Variants in NRG1 observed in about 807,000 individuals in gnomAD.
The protein encoded by NRG1 is pro-neuregulin-1, membrane-bound isoform.
Under a neutral mutation model 63.8 loss-of-function variants are expected in NRG1, and 18 were observed. The ratio of observed to expected loss-of-function variants is 0.28; its 90% confidence interval spans 0.19 to 0.42. NRG1 has a LOEUF of 0.42. Ranked by LOEUF, NRG1 falls within the 10% of genes least tolerant of loss-of-function variation. The probability of loss-of-function intolerance (pLI) is 1.00; values close to 1 mark genes in which losing one functional copy is unlikely to be tolerated. For missense variants in NRG1, 762 were observed against 814.7 expected (o/e 0.94, Z 0.79); for synonymous variants, 302 against 301.3 (o/e 1.00, Z -0.02).
chr8:32,228,680 A>C (rs1393427635), intron 1 of NRG1, among the ~76,000 whole-genome samples: 1 of 152,226 alleles, frequency 6.6e-6, no homozygotes, highest in Non-Finnish European at 1.5e-5. Context: ...AGAAAGCAAG[A>C]GTATTATACT....
chr8:32,695,396 G>GAAGGAGAAAAGAAAAGAA (rs748449946), intron 5 of NRG1, among the ~76,000 whole-genome samples: 3 of 151,508 alleles, frequency 2.0e-5, no homozygotes, highest in Non-Finnish European at 4.4e-5. Context: ...AGGAAGGAAG[G>GAAGGAGAAAAGAAAAGAA]AAGGAGAAAA....
intron 1 of NRG1, among the ~76,000 whole-genome samples, chr8:32,075,052 A>G (rs778938353): frequency 6.6e-6 from 1 of 152,222 alleles, no homozygotes; most frequent in Non-Finnish European, 1.5e-5. Context: ...ATAGCAGCTT[A>G]CCTTGTGGGG....
chr8:32,099,047 G>C (rs994272653), intron 1 of NRG1, among the ~76,000 whole-genome samples: 1 of 152,216 alleles, frequency 6.6e-6, no homozygotes, highest in Non-Finnish European at 1.5e-5. Flanking sequence ...AGGAAAGAAA[G>C]CCATATTGAT....
intron 1 of NRG1, among the ~76,000 whole-genome samples, chr8:32,451,263 A>G (rs17643296): frequency 0.027 from 4,184 of 152,262 alleles, 59 homozygotes; most frequent in Middle Eastern, 0.041. Context: ...GCTTGATAAC[A>G]TGATTCTTTT....
At chr8:32,074,355 G>C (rs1826182465) in intron 1 of NRG1, among the ~76,000 whole-genome samples, 1 of 152,120 alleles carries the variant, frequency 6.6e-6, no homozygotes, top group African/African-American at 2.4e-5. Context: ...AGATACTCAA[G>C]CATGATTAGA....
At chr8:32,289,867 G>A (rs962121315) in intron 1 of NRG1, among the ~76,000 whole-genome samples, 32 of 152,062 alleles carry the variant, frequency 2.1e-4, no homozygotes, top group African/African-American at 7.0e-4. Flanking sequence ...TCATTTACTC[G>A]ATTTAACATT....
chr8:31,997,190 T>G (rs550743350), intron 1 of NRG1, among the ~76,000 whole-genome samples: 1 of 150,888 alleles, frequency 6.6e-6, no homozygotes, highest in African/African-American at 2.4e-5. Context: ...TAACCTTTTT[T>G]TTTTTTTTTT....
chr8:32,237,232 A>G (rs1847657219), intron 1 of NRG1, among the ~76,000 whole-genome samples: 1 of 152,150 alleles, frequency 6.6e-6, no homozygotes, highest in Non-Finnish European at 1.5e-5. Context: ...AAATTTTCCA[A>G]GTTCTTGAAA....
chr8:32,292,377 T>C (rs554838100), intron 1 of NRG1, among the ~76,000 whole-genome samples: 2 of 152,338 alleles, frequency 1.3e-5, no homozygotes, highest in East Asian at 3.9e-4. Context: ...TTTAACTCTG[T>C]GGTTGGTGAT....
At chr8:32,769,602 T>G (rs978050754), downstream of NRG1, among the ~76,000 whole-genome samples, 6 of 152,202 alleles carry the variant, frequency 3.9e-5, no homozygotes, top group African/African-American at 1.4e-4. Flanking sequence ...TATGAATCAC[T>G]TTGCACTCTA....
intron 1 of NRG1, among the ~76,000 whole-genome samples, chr8:32,218,406 C>G (rs1228552198): frequency 6.6e-6 from 1 of 152,196 alleles, no homozygotes; most frequent in Non-Finnish European, 1.5e-5. Context: ...CACGTGGCAT[C>G]ACGGGGGTGC....
At chr8:31,816,226 C>T (rs1823427450) in intron 1 of NRG1, among the ~76,000 whole-genome samples, 1 of 152,110 alleles carries the variant, frequency 6.6e-6, no homozygotes, top group Admixed American at 6.5e-5. Flanking sequence ...ACATGAGCAC[C>T]TCAACTGAGG....
chr8:32,213,313 G>A (rs1303694175), intron 1 of NRG1, among the ~76,000 whole-genome samples: 1 of 152,066 alleles, frequency 6.6e-6, no homozygotes. Flanking sequence ...TCCTTTGCAG[G>A]GACATGGATG....
At chr8:32,631,662 C>A (rs928099507) in intron 5 of NRG1, among the ~76,000 whole-genome samples, 3 of 152,092 alleles carry the variant, frequency 2.0e-5, no homozygotes, top group African/African-American at 7.2e-5. Flanking sequence ...ATGCATTAAT[C>A]ACTGGGTTAA....
rs1239768322 is a variant in NRG1, at chr8:32,344,418, CATGTGTGTGTGTGTGTGTGTGTGTGTGT to C, written c.38-251409_38-251382del. Reference sequence around the variant, plus strand: ...TTTTTTGTGCATGCATGCGTGCATGCATGTGTGTGTGTGTGTGTGTGTGTGTGTGTGTGTGTGTGTCTCACTCTGCTCG... The same window carrying C: ...TTTTTTGTGCATGCATGCGTGCATGCGTGTGTGTGTGTCTCACTCTGCTCG... On this transcript the variant is annotated intron_variant, in intron 1 of 10. Coordinates refer to the NRG1 transcript ENST00000519301. Among the ~76,000 whole-genome samples the C allele has an allele frequency of 1.5e-3, 141 of 92,458 alleles. 7 individuals are homozygous for C. Among genetic ancestry groups the C allele is most frequent in the African/African-American group, 6.8e-3 (139 of 20,382 alleles). 60.7% of individuals were successfully genotyped at this position (92,458 alleles called of 152,430 possible).
At chr8:32,226,761 G>A (rs1846370258) in intron 1 of NRG1, among the ~76,000 whole-genome samples, 1 of 152,088 alleles carries the variant, frequency 6.6e-6, no homozygotes, top group Non-Finnish European at 1.5e-5. Flanking sequence ...AATTTTGCAT[G>A]CAATTTTTTG....
chr8:31,790,655 G>A (rs1463575859), intron 1 of NRG1, among the ~76,000 whole-genome samples: 1 of 152,160 alleles, frequency 6.6e-6, no homozygotes. Context: ...TTCAACACAT[G>A]ACTTCATTTC....
chr8:32,375,036 G>A (rs1251712070), intron 1 of NRG1, among the ~76,000 whole-genome samples: 1 of 152,200 alleles, frequency 6.6e-6, no homozygotes, highest in East Asian at 1.9e-4. Flanking sequence ...AGGCTGGAGT[G>A]CAGTGGCGAA....
intron 1 of NRG1, among the ~76,000 whole-genome samples, chr8:32,374,741 T>C (rs1809400260): frequency 6.6e-6 from 1 of 152,148 alleles, no homozygotes; most frequent in African/African-American, 2.4e-5. Flanking sequence ...CTAGAAATTA[T>C]GTTTATTGAA....
Sources: gnomAD v4.1 joint callset for allele counts (sites outside exome capture counted in the v4.1 genomes callset) on GRCh38, gnomAD v4.1.1 for gene constraint, MANE v1.5 for transcripts, NCBI Gene and HGNC (gene_info 2026-07-23, HGNC 2026-07-21) for gene names.